The following GMNN variants were observed in gnomAD, a reference collection of about 807,000 sequenced individuals.
The protein encoded by GMNN is geminin.
In GMNN, 14 loss-of-function variants were observed where a neutral mutation model predicts 20.9. That is an observed-to-expected ratio of 0.67 (90% CI 0.44 to 1.05). The LOEUF (loss-of-function observed/expected upper bound fraction) is 1.05, where lower values mean the gene tolerates loss of function less well. Among genes scored for constraint, GMNN ranks in the 50% least tolerant of loss-of-function variants. GMNN has a pLI of 0.00. For synonymous variants in GMNN, 81 were observed against 85.8 expected (o/e 0.94, Z 0.31); for missense variants, 227 against 243.8 (o/e 0.93, Z 0.46).
At position 24,777,223 on chromosome 6, in the gene GMNN, C is replaced by T. The variant is rs1581425186; in HGVS notation, c.-24C>T. ...ACCATATTGTTTTTTAATTACTAGT[C>T]TTCTGTGCTTCACCATCTACATAAT... On this transcript the variant is annotated splice_region_variant and 5_prime_UTR_variant, in exon 2 of 7. Transcript: ENST00000230056. 1 of 1,231,092 alleles carries T rather than the reference C, an allele frequency of 8.1e-7. No individual in the cohort carries two copies. 76.3% of individuals were successfully genotyped at this position (1,231,092 alleles called of 1,614,324 possible).
intron 4 of GMNN, among the ~76,000 whole-genome samples, chr6:24,783,719 T>G (rs1780277436): frequency 6.6e-6 from 1 of 152,112 alleles, no homozygotes; most frequent in Non-Finnish European, 1.5e-5. Context: ...ATGTTTAGTT[T>G]GAATCTAATC....
At chr6:24,783,410 A>G (rs1780269189) in intron 4 of GMNN, among the ~76,000 whole-genome samples, 4 of 152,208 alleles carry the variant, frequency 2.6e-5, no homozygotes, top group Admixed American at 2.6e-4. Context: ...CCACCGTAGA[A>G]GTAATAGATA....
At chr6:24,780,574 C>A in intron 2 of GMNN, 89 bp from the exon 3 acceptor site, 1 of 733,166 alleles carries the variant, frequency 1.4e-6, no homozygotes, top group Non-Finnish European at 2.4e-6. Context: ...TATAGAAGGA[C>A]TAAGAGTAAC....
At chr6:24,776,971 G>A in intron 1 of GMNN, 1 of 242,582 alleles carries the variant, frequency 4.1e-6, no homozygotes, top group Non-Finnish European at 7.8e-6. Context: ...TTTTAAACCA[G>A]TTTTAGAAAT....
At position 24,781,508 on chromosome 6, in the gene GMNN, G is replaced by A. The variant is rs1780219858; in HGVS notation, c.161G>A (p.Arg54Gln). ...LSAGLSKRKH[R>Q]NDHLTSTTSS... ...GCAGGCTTGTCCAAAAGGAAACATC[G>A]GAATGACCACTTAACATCTACAACT... Residue 54 changes from arginine (R) to glutamine (Q), a missense_variant, in exon 4 of 7, where the codon CGG (arginine) becomes CAG (glutamine). Coordinates refer to ENST00000230056, the MANE Select transcript of GMNN (RefSeq NM_015895.5). 6.3e-6 allele frequency: 10 copies of A among 1,594,496 alleles called. No individual in the cohort carries two copies. The highest frequency in any genetic ancestry group is 8.6e-6 in the Non-Finnish European group (10 of 1,165,452).
chr6:24,780,926 T>C lies in GMNN; in HGVS notation c.129+186T>C, dbSNP rs575077048. ...TGTTCAATTTAAGAAGTTCGTCGGG[T>C]GCAGTGGCTCACGCCTGTTATCCCA... On this transcript the variant is annotated intron_variant, in intron 3 of 6. Transcript: ENST00000230056. Among the ~76,000 whole-genome samples the C allele has an allele frequency of 2.0e-5, 3 of 152,240 alleles. No individual in the cohort carries two copies. In the South Asian group the frequency reaches 6.2e-4, roughly 32 times the overall value.
intron 2 of GMNN, chr6:24,777,718 GT>G (rs1203571114): frequency 6.6e-6 from 1 of 152,194 alleles, no homozygotes; most frequent in Non-Finnish European, 1.5e-5. Flanking sequence ...AGTTCTAATT[GT>G]TTTTTAGTAG....
At position 24,784,176 on chromosome 6, in the gene GMNN, A is replaced by G. The variant is rs2307305; in HGVS notation, c.357+7A>G. ...ACTTAAGGAAAATGAGAAAGTATGT[A>G]TTGAGTATAATTTGTACCATTTTTA... is the stretch of plus-strand genomic sequence containing the variant. On this transcript the variant is annotated splice_region_variant and intron_variant, in intron 5 of 6. Transcript: ENST00000230056. 1,747 of 1,336,750 alleles carry G rather than the reference A, an allele frequency of 1.3e-3. No individual in the cohort carries two copies. Among genetic ancestry groups the G allele is most frequent in the Non-Finnish European group, 1.6e-3 (1,524 of 934,090 alleles). The allele number at this position is 1,336,750 out of a possible 1,614,324, so 82.8% of individuals were successfully genotyped here.
chr6:24,780,825 C>A, intron 3 of GMNN, 85 bp downstream of exon 3: 6 of 694,536 alleles, frequency 8.6e-6, no homozygotes, highest in East Asian at 2.6e-5. Context: ...GTCAGAAACA[C>A]GTAAATTGTT....
At position 24,785,648 on chromosome 6, in the gene GMNN, G is replaced by A. The variant is rs1443502034; in HGVS notation, c.479G>A (p.Gly160Asp). 2.0e-6 allele frequency: 3 copies of A among 1,493,800 alleles called. No individual in the cohort carries two copies. The highest frequency in any genetic ancestry group is 1.2e-5 in the South Asian group (1 of 83,760). 92.5% of individuals were successfully genotyped at this position (1,493,800 alleles called of 1,614,324 possible). A position where few individuals can be genotyped will look rare whatever the true frequency, so the allele number is the denominator to read the frequency against. ...YMAELIERLN[G>D]EPLDNFESLD... The stretch of plus-strand genomic sequence containing the variant: ...TTTATTCTTTAAAAGAGACTGAATG[G>A]TGAACCTCTGGATAATTTTGAATCA... Residue 160 changes from glycine to aspartate, a missense_variant, in exon 7 of 7, where the codon GGT becomes GAT. Coordinates refer to ENST00000230056, the MANE Select transcript of GMNN (RefSeq NM_015895.5).
intron 2 of GMNN, 37 bp downstream of exon 2, chr6:24,777,334 A>G (rs367649165): frequency 6.5e-6 from 5 of 774,256 alleles, no homozygotes; most frequent in Non-Finnish European, 1.1e-5. Context: ...TTTTTGTAGA[A>G]AGCATGGGGC....
chr6:24,784,093 C>T lies in GMNN; in HGVS notation c.281C>T (p.Pro94Leu). 2 of 1,378,908 alleles carry T rather than the reference C, an allele frequency of 1.5e-6. No homozygotes were observed. The highest frequency in any genetic ancestry group is 2.0e-6 in the Non-Finnish European group (2 of 978,040). The allele number at this position is 1,378,908 out of a possible 1,614,324, so 85.4% of individuals were successfully genotyped here. Residue 94 changes from proline to leucine, a missense_variant, in exon 5 of 7, where the codon CCA (proline) becomes CTA (leucine). Pro to Leu is a moderately conservative substitution (Grantham distance 98). Transcript: ENST00000230056. ...ESFDLMIKEN[P>L]SSQYWKEVAE... ...ATTTAAAATATTATTTTAGAAAATC[C>T]ATCCTCTCAGTATTGGAAGGAAGTG...
At chr6:24,777,113 GAA>G in intron 1 of GMNN, 107 bp from the exon 2 acceptor site, 2 of 427,184 alleles carry the variant, frequency 4.7e-6, no homozygotes, top group South Asian at 8.3e-5. Context: ...GATTAAGAGA[GAA>G]AAAATAATAG....
In GMNN at chr6:24,785,763, T is replaced by C. The variant is rs760045613; in HGVS notation, c.594T>C (p.Thr198=). The change falls in exon 7 of 7, where the codon ACT becomes ACC. Residue 198 remains threonine (T), a synonymous_variant. Coordinates refer to ENST00000230056, the MANE Select transcript of GMNN (RefSeq NM_015895.5). ...AAATTGGCACGTGTGCTGAAGGAAC[T>C]GTATCTTCCTCTACGGATGCAAAGC... ...DSEIGTCAEG[T]VSSSTDAKPC... is the part of the protein sequence containing the mutation. 21 of 1,588,532 alleles carry C rather than the reference T, an allele frequency of 1.3e-5. No individual in the cohort carries two copies. Among genetic ancestry groups the C allele is most frequent in the Non-Finnish European group, 1.8e-5 (21 of 1,166,482 alleles).
At position 24,785,843 on chromosome 6, in the gene GMNN, T is replaced by A; in HGVS notation, c.*44T>A. On this transcript the variant is annotated 3_prime_UTR_variant, in exon 7 of 7. Coordinates refer to ENST00000230056, the MANE Select transcript of GMNN (RefSeq NM_015895.5). The stretch of plus-strand genomic sequence containing the variant: ...TGTTGAGAATTTTACTGCCGAAGTT[T>A]ACCTCCACTAGTTCTTTGTAGCAGA... 8.5e-7 allele frequency: 1 copy of A among 1,176,112 alleles called. No homozygotes were observed. The highest frequency in any genetic ancestry group is 1.2e-6 in the Non-Finnish European group (1 of 807,026). The allele number at this position is 1,176,112 out of a possible 1,614,324, so 72.9% of individuals were successfully genotyped here. A position where few individuals can be genotyped will look rare whatever the true frequency, so the allele number is the denominator to read the frequency against.
In GMNN at chr6:24,785,639, G is replaced by C; in HGVS notation, c.470G>C (p.Arg157Thr). 3 of 1,450,170 alleles carry C rather than the reference G, an allele frequency of 2.1e-6. No individual in the cohort carries two copies. Among genetic ancestry groups the C allele is most frequent in the Non-Finnish European group, 2.9e-6 (3 of 1,048,746 alleles). The allele number at this position is 1,450,170 out of a possible 1,614,324, so 89.8% of individuals were successfully genotyped here. Reference protein sequence around the residue: ...HVQYMAELIERLNGEPLDNFE... With the variant: ...HVQYMAELIETLNGEPLDNFE... ...AATTATTGGTTTATTCTTTAAAAGA[G>C]ACTGAATGGTGAACCTCTGGATAAT... Residue 157 changes from arginine (R) to threonine (T), a missense_variant and splice_region_variant, in exon 7 of 7, where the codon AGA becomes ACA. By Grantham distance (71) the Arg-to-Thr change is moderately conservative. Coordinates refer to ENST00000230056, the MANE Select transcript of GMNN (RefSeq NM_015895.5).
rs777967986 is a variant in GMNN at position 24,780,748 on chromosome 6, C to G, written c.129+8C>G. On this transcript the variant is annotated splice_region_variant and intron_variant, in intron 3 of 6. Coordinates refer to ENST00000230056, the MANE Select transcript of GMNN (RefSeq NM_015895.5). ...GTTGGAAGAGAAAATGAGGTATGCA[C>G]TATATGGCTAAAATGGGGTACTGGT... 1 of 1,405,734 alleles carries G rather than the reference C, an allele frequency of 7.1e-7. No homozygotes were observed. The highest frequency in any genetic ancestry group is 2.3e-5 in the East Asian group (1 of 43,806). The allele number at this position is 1,405,734 out of a possible 1,614,324, so 87.1% of individuals were successfully genotyped here. A position where few individuals can be genotyped will look rare whatever the true frequency, so the allele number is the denominator to read the frequency against.
At chr6:24,784,226 T>G (rs893983729) in intron 5 of GMNN, 57 bp downstream of exon 5, 2 of 925,752 alleles carry the variant, frequency 2.2e-6, no homozygotes, top group Non-Finnish European at 3.5e-6. Flanking sequence ...GTTTTGCTGC[T>G]TAGCATATTT....
At chr6:24,778,191 A>C (rs1042910657) in intron 2 of GMNN, among the ~76,000 whole-genome samples, 1 of 152,194 alleles carries the variant, frequency 6.6e-6, no homozygotes, top group African/African-American at 2.4e-5. Flanking sequence ...CAGGTAAACT[A>C]TCAATTTGCG....
Sources: allele counts gnomAD v4.1 joint callset (sites outside exome capture counted in the v4.1 genomes callset), GRCh38; gene constraint gnomAD v4.1.1; transcripts MANE v1.5; gene names NCBI Gene and HGNC (gene_info 2026-07-23, HGNC 2026-07-21).